The following EPC2 variants were observed in gnomAD, a reference collection of about 807,000 sequenced individuals.
EPC2 encodes the protein enhancer of polycomb 2.
In EPC2, 14 loss-of-function variants were observed where a neutral mutation model predicts 92.1. The observed-to-expected ratio is 0.15, with a 90% CI of 0.10 to 0.24. The LOEUF (loss-of-function observed/expected upper bound fraction) is 0.24, where lower values mean the gene tolerates loss of function less well. EPC2 is among the 10% of genes least tolerant of loss of function. The probability of loss-of-function intolerance (pLI) is 1.00; values close to 1 mark genes in which losing one functional copy is unlikely to be tolerated. For synonymous variants in EPC2, 340 were observed against 334.7 expected (o/e 1.02, Z -0.17); for missense variants, 755 against 971.5 (o/e 0.78, Z 2.96).
chr2:148,720,882 TC>T (rs1169954951), intron 2 of EPC2, among the ~76,000 whole-genome samples: 1 of 152,196 alleles, frequency 6.6e-6, no homozygotes, highest in Non-Finnish European at 1.5e-5. Flanking sequence ...CTCGCCGCTT[TC>T]GTTCCTCTCC....
At chr2:148,708,965 A>T (rs956191059) in intron 2 of EPC2, among the ~76,000 whole-genome samples, 5 of 152,184 alleles carry the variant, frequency 3.3e-5, no homozygotes, top group Non-Finnish European at 7.4e-5. Flanking sequence ...CACCACTCCT[A>T]TTCAACATAG....
chr2:148,713,737 T>G (rs1468629477), intron 2 of EPC2, among the ~76,000 whole-genome samples: 1 of 152,156 alleles, frequency 6.6e-6, no homozygotes, highest in African/African-American at 2.4e-5. Context: ...TACTTCCCAT[T>G]ATTTCACAGT....
At chr2:148,660,464 T>TA in intron 1 of EPC2, among the ~76,000 whole-genome samples, 1 of 152,146 alleles carries the variant, frequency 6.6e-6, no homozygotes, top group Non-Finnish European at 1.5e-5. Context: ...TCTTGTGTGC[T>TA]GAGCATCAAT....
chr2:148,675,741 A>C (rs984902463), intron 1 of EPC2, among the ~76,000 whole-genome samples: 5 of 152,010 alleles, frequency 3.3e-5, no homozygotes, highest in Non-Finnish European at 7.4e-5. Context: ...CTGATGGCCT[A>C]TCTCATTGTT....
chr2:148,749,650 A>T (rs1184914882), intron 3 of EPC2, among the ~76,000 whole-genome samples: 1 of 151,994 alleles, frequency 6.6e-6, no homozygotes, highest in Non-Finnish European at 1.5e-5. Context: ...TGTATTTTTT[A>T]ATTTAGTATG....
chr2:148,729,753 T>TA (rs1313743612), intron 2 of EPC2, among the ~76,000 whole-genome samples: 1 of 152,156 alleles, frequency 6.6e-6, no homozygotes, highest in Non-Finnish European at 1.5e-5. Context: ...CATTAAAAAA[T>TA]ATATATTCTT....
At chr2:148,765,756 G>A (rs1478815481) in intron 7 of EPC2, among the ~76,000 whole-genome samples, 1 of 152,030 alleles carries the variant, frequency 6.6e-6, no homozygotes, top group Non-Finnish European at 1.5e-5. Flanking sequence ...TAAAAGATCC[G>A]GCCAGGCGTG....
chr2:148,783,827 G>GT (rs551257143), intron 12 of EPC2, 71 bp downstream of exon 12: 12 of 1,475,018 alleles, frequency 8.1e-6, no homozygotes, highest in South Asian at 2.6e-5. Context: ...TTTGTTTTTT[G>GT]TTTTTTTATC....
Position 148,645,098 on chromosome 2 carries a change from TCTC to T in EPC2, c.82_84del (p.Leu28del). 1 of 1,601,458 alleles carries T rather than the reference TCTC, an allele frequency of 6.2e-7. No individual in the cohort carries two copies. The highest frequency in any genetic ancestry group is 8.5e-7 in the Non-Finnish European group (1 of 1,173,604). ...TCTACCGCGGCAAGGACATGCCTGA[TCTC>T]AACGACTGCGTCTCCATCAACCGGG... On this transcript the variant is annotated inframe_deletion, in exon 1 of 14. Transcript: ENST00000258484.
At chr2:148,721,582 A>C (rs1390619601) in intron 2 of EPC2, among the ~76,000 whole-genome samples, 1 of 151,940 alleles carries the variant, frequency 6.6e-6, no homozygotes, top group Non-Finnish European at 1.5e-5. Flanking sequence ...GAGCTTCCTC[A>C]ATCTGTGGTT....
In EPC2 at chr2:148,771,185, T is replaced by C; in HGVS notation, c.1518T>C (p.His506=). The C allele has an allele frequency of 6.2e-7, 1 of 1,613,984 alleles. No individual in the cohort carries two copies. Among genetic ancestry groups the C allele is most frequent in the Admixed American group, 1.7e-5 (1 of 60,024 alleles). The part of the protein sequence containing the change: ...NFSRTNASSK[H]CENRLSLSEI... The stretch of plus-strand genomic sequence containing the variant: ...CTCGGACCAATGCTTCCAGTAAACA[T>C]TGTGAAAATAGACTGTCTCTTTCTG... The change falls in exon 10 of 14, where the codon CAT becomes CAC. Residue 506 remains histidine (H), a synonymous_variant. Coordinates refer to ENST00000258484, the MANE Select transcript of EPC2 (RefSeq NM_015630.4).
In EPC2 at chr2:148,645,389, C is replaced by G. The variant is rs1348108250; in HGVS notation, c.153+219C>G. On this transcript the variant is annotated intron_variant, in intron 1 of 13. Transcript: ENST00000258484. ...TTGCGTCCCAGTGTTGTGATTAGCT[C>G]GCAGCGCTGCTTACGCTGCCGTAAG... is the stretch of plus-strand genomic sequence containing the variant. 8.3e-6 allele frequency: 4 copies of G among 482,672 alleles called. No individual in the cohort carries two copies. The East Asian group carries it at 1.2e-4, about 15-fold the overall frequency. The allele number at this position is 482,672 out of a possible 1,614,324, so 29.9% of individuals were successfully genotyped here.
intron 10 of EPC2, among the ~76,000 whole-genome samples, chr2:148,779,146 A>AC (rs1263809645): frequency 6.6e-6 from 1 of 152,018 alleles, no homozygotes; most frequent in Non-Finnish European, 1.5e-5. Flanking sequence ...CACCCCAAAA[A>AC]ACAGCTAGTT....
intron 2 of EPC2, among the ~76,000 whole-genome samples, chr2:148,739,948 G>A (rs554997521): frequency 7.1e-6 from 1 of 139,906 alleles, no homozygotes; most frequent in African/African-American, 2.7e-5. Flanking sequence ...TCTTAATTCT[G>A]TTGCTGTACT....
At chr2:148,676,809 T>C (rs1441381550) in intron 1 of EPC2, among the ~76,000 whole-genome samples, 1 of 151,776 alleles carries the variant, frequency 6.6e-6, no homozygotes, top group Admixed American at 6.6e-5. Context: ...TCTGTCTCTC[T>C]TTTTGTCTTA....
chr2:148,782,312 A>G (rs1037724069), intron 11 of EPC2, among the ~76,000 whole-genome samples: 3 of 152,060 alleles, frequency 2.0e-5, no homozygotes, highest in Admixed American at 2.0e-4. Context: ...CGAGGCGGGC[A>G]GATCACTTGG....
At chr2:148,696,829 G>T (rs1379232063) in intron 2 of EPC2, among the ~76,000 whole-genome samples, 1 of 152,172 alleles carries the variant, frequency 6.6e-6, no homozygotes, top group African/African-American at 2.4e-5. Context: ...TACCTTAAGA[G>T]ACTAAAGGAA....
In EPC2 at chr2:148,645,006, G is replaced by A. The variant is rs1683764254; in HGVS notation, c.-12G>A. On this transcript the variant is annotated 5_prime_UTR_variant, in exon 1 of 14. Coordinates refer to ENST00000258484, the MANE Select transcript of EPC2 (RefSeq NM_015630.4). Reference sequence around the variant, plus strand: ...GCCGCCGCCCGGGCTGTTCCTGTAAGGCGGGGAGACAATGAGTAAACTCTC... The same window carrying A: ...GCCGCCGCCCGGGCTGTTCCTGTAAAGCGGGGAGACAATGAGTAAACTCTC... The A allele has an allele frequency of 1.3e-6, 2 of 1,534,236 alleles. No homozygotes were observed. The highest frequency in any genetic ancestry group is 2.8e-5 in the African/African-American group (2 of 72,200).
chr2:148,782,542 AAAAC>A lies in EPC2; in HGVS notation c.1857+766_1857+769del, dbSNP rs1392737283. 2.5e-4 allele frequency among the ~76,000 whole-genome samples: 37 copies of A among 145,828 alleles called. 1 individual carries two copies. In the South Asian group the frequency reaches 4.3e-3, roughly 17 times the overall value. On this transcript the variant is annotated intron_variant, in intron 11 of 13. Coordinates refer to ENST00000258484, the MANE Select transcript of EPC2 (RefSeq NM_015630.4). ...ATAGAGTCAGACTATGTCTCCAAAA[AAAAC>A]AAAAAAAATTAATTAAAATTTTTTA...
Sources: gnomAD v4.1 joint callset for allele counts (sites outside exome capture counted in the v4.1 genomes callset) on GRCh38, gnomAD v4.1.1 for gene constraint, MANE v1.5 for transcripts, NCBI Gene and HGNC (gene_info 2026-07-23, HGNC 2026-07-21) for gene names.